The following EP300 variants were observed in gnomAD, a reference collection of about 807,000 sequenced individuals.
EP300 encodes the protein EP300 lysine acetyltransferase.
A neutral mutation model predicts 264.0 loss-of-function variants in EP300; 31 were observed. The ratio of observed to expected loss-of-function variants is 0.12; its 90% CI spans 0.09 to 0.16. The LOEUF (loss-of-function observed/expected upper bound fraction) is 0.16, where lower values mean the gene tolerates loss of function less well. EP300 is among the 10% of genes least tolerant of loss of function. The probability of loss-of-function intolerance (pLI) is 1.00; values close to 1 mark genes in which losing one functional copy is unlikely to be tolerated. For synonymous variants in EP300, 1,340 were observed against 1,045.4 expected, an observed-to-expected ratio of 1.28 and a Z score of -5.44; for missense variants, 2,766 against 3,052.9, an observed-to-expected ratio of 0.91 and a Z score of 2.21.
intron 1 of EP300, among the ~76,000 whole-genome samples, chr22:41,104,907 G>A (rs1156616844): frequency 6.6e-6 from 1 of 151,950 alleles, no homozygotes; most frequent in African/African-American, 2.4e-5. Context: ...GCTTACGCCT[G>A]TAATCCCAGC....
intron 23 of EP300, 116 bp downstream of exon 23, chr22:41,166,782 A>C: frequency 1.5e-6 from 1 of 660,928 alleles, no homozygotes; most frequent in African/African-American, 1.8e-5. Flanking sequence ...AAATAAAATA[A>C]TTCTATAATC....
chr22:41,125,112 C>CTTTTTTTTT (rs930135062), intron 2 of EP300, among the ~76,000 whole-genome samples: 5 of 80,348 alleles, frequency 6.2e-5, no homozygotes, highest in Non-Finnish European at 9.3e-5. Context: ...CTTTTCTTTC[C>CTTTTTTTTT]TTTTTTTTTT....
chr22:41,098,921 G>A (rs12165625), intron 1 of EP300, among the ~76,000 whole-genome samples: 5,525 of 152,230 alleles, frequency 0.036, 156 homozygotes, highest in Middle Eastern at 0.054. Context: ...TTACAGGATT[G>A]TGGTTAGGAA....
intron 2 of EP300, among the ~76,000 whole-genome samples, chr22:41,124,324 G>A (rs985185020): frequency 1.3e-5 from 2 of 152,172 alleles, no homozygotes; most frequent in African/African-American, 2.4e-5. Flanking sequence ...TGACTTAATA[G>A]AGCAGCTAGG....
At chr22:41,163,881 C>A (rs2059121146) in intron 21 of EP300, among the ~76,000 whole-genome samples, 172 bp from the exon 22 acceptor site, 1 of 152,188 alleles carries the variant, frequency 6.6e-6, no homozygotes, top group Non-Finnish European at 1.5e-5. Context: ...GCCACCCACT[C>A]CAGCCTGTAC....
chr22:41,145,693 A>G (rs1334207082), intron 10 of EP300, among the ~76,000 whole-genome samples: 1 of 152,016 alleles, frequency 6.6e-6, no homozygotes, highest in Non-Finnish European at 1.5e-5. Context: ...GCACGATCTC[A>G]GCTTACTGCA....
Position 41,125,931 on chromosome 22 carries a change from G to T in EP300, c.797G>T (p.Gly266Val), listed in dbSNP as rs758375862. The T allele has an allele frequency of 1.2e-5, 20 of 1,614,016 alleles. No homozygotes were observed. Among genetic ancestry groups the T allele is most frequent in the African/African-American group, 6.7e-5 (5 of 74,900 alleles). Residue 266 changes from glycine (G) to valine (V), a missense_variant, in exon 3 of 31, where the codon GGA becomes GTA. Transcript: ENST00000263253. ...PYTQNPGQQI[G>V]ASGLGLQIQT... ...ACTCAGAATCCTGGACAGCAGATTG[G>T]AGCCAGTGGCCTTGGTCTCCAGATT...
At chr22:41,144,670 C>G (rs1423096379) in intron 10 of EP300, among the ~76,000 whole-genome samples, 4 of 151,974 alleles carry the variant, frequency 2.6e-5, no homozygotes. Context: ...AAATATTTAT[C>G]TTAAAAAATA....
In EP300 at chr22:41,176,363, G is replaced by A. The variant is rs142399679; in HGVS notation, c.4896G>A (p.Thr1632=). The change falls in exon 30 of 31, where the codon ACG becomes ACA. Residue 1632 remains threonine, a synonymous_variant. Coordinates refer to ENST00000263253, the MANE Select transcript of EP300 (RefSeq NM_001429.4). ...TGGATGGTCGGGATGCGTTTCTCAC[G>A]CTGGCAAGGGACAAGCACCTGGAGT... ...DLMDGRDAFL[T]LARDKHLEFS... The A allele has an allele frequency of 1.7e-5, 27 of 1,614,064 alleles. 1 individual carries two copies. In the South Asian group the frequency reaches 2.1e-4, roughly 12 times the overall value.
chr22:41,095,647 CTT>C (rs961798616), intron 1 of EP300, among the ~76,000 whole-genome samples: 4 of 151,562 alleles, frequency 2.6e-5, no homozygotes, highest in Admixed American at 2.0e-4. Context: ...AAACTTGTAA[CTT>C]TTGATTTTTG....
chr22:41,102,442 G>A (rs1430989681), intron 1 of EP300, among the ~76,000 whole-genome samples: 2 of 152,144 alleles, frequency 1.3e-5, no homozygotes, highest in Non-Finnish European at 2.9e-5. Flanking sequence ...TGTGAGGCCA[G>A]GTATATCCTG....
chr22:41,152,363 A>G lies in EP300; in HGVS notation c.3142+13A>G, dbSNP rs1446767541. On this transcript the variant is annotated intron_variant, in intron 16 of 30. Transcript: ENST00000263253. The stretch of plus-strand genomic sequence containing the variant: ...TCAAAGAAAAAGAGTGAGTCTCTGA[A>G]GCCATTCGTTCTGGAGGTAGCTGAA... The G allele has an allele frequency of 6.2e-7, 1 of 1,610,126 alleles. No homozygotes were observed. Among genetic ancestry groups the G allele is most frequent in the Admixed American group, 1.7e-5 (1 of 59,358 alleles).
chr22:41,172,224 C>T (rs1264552024), intron 27 of EP300, among the ~76,000 whole-genome samples: 4 of 152,176 alleles, frequency 2.6e-5, no homozygotes, highest in Admixed American at 2.6e-4. Flanking sequence ...GACGTTGATC[C>T]TGGCAGGATA....
At chr22:41,126,095 T>C in intron 3 of EP300, 55 bp downstream of exon 3, 1 of 1,577,784 alleles carries the variant, frequency 6.3e-7, no homozygotes, top group Non-Finnish European at 8.7e-7. Context: ...GACAAAAGAA[T>C]TGTGTTAAAC....
At chr22:41,112,732 G>T (rs1188037190) in intron 1 of EP300, among the ~76,000 whole-genome samples, 2 of 150,520 alleles carry the variant, frequency 1.3e-5, no homozygotes, top group Non-Finnish European at 3.0e-5. Flanking sequence ...AGAAGTATTT[G>T]TGTTAGCTTG....
At chr22:41,120,643 G>A (rs900923420) in intron 2 of EP300, among the ~76,000 whole-genome samples, 2 of 152,118 alleles carry the variant, frequency 1.3e-5, no homozygotes, top group African/African-American at 4.8e-5. Flanking sequence ...GTGATTTATA[G>A]GAAGAAACTT....
chr22:41,176,230 G>T lies in EP300; in HGVS notation c.4780-17G>T. On this transcript the variant is annotated splice_polypyrimidine_tract_variant and intron_variant, in intron 29 of 30. Transcript: ENST00000263253. ...GCGAGGCCCTGTCTCAAAAAAAAGA[G>T]ACTGTCTGTTTTTCAGGTCTTCTTT... 1 of 1,614,060 alleles carries T rather than the reference G, an allele frequency of 6.2e-7. No homozygotes were observed. Among genetic ancestry groups the T allele is most frequent in the South Asian group, 1.1e-5 (1 of 91,084 alleles).
chr22:41,157,514 T>C, intron 18 of EP300, 106 bp downstream of exon 18: 3 of 543,480 alleles, frequency 5.5e-6, no homozygotes, highest in Non-Finnish European at 8.0e-6. Flanking sequence ...TGACATGGCT[T>C]TTTTTTTTTT....
intron 20 of EP300, among the ~76,000 whole-genome samples, chr22:41,162,065 AC>A (rs2145754178): frequency 1.3e-5 from 2 of 152,202 alleles, no homozygotes; most frequent in East Asian, 3.9e-4. Flanking sequence ...TAGGAACAAG[AC>A]CCTTCCCAAT....
Sources: allele counts gnomAD v4.1 joint callset (sites outside exome capture counted in the v4.1 genomes callset), GRCh38; gene constraint gnomAD v4.1.1; transcripts MANE v1.5; gene names NCBI Gene and HGNC (gene_info 2026-07-23, HGNC 2026-07-21).